The following PCDH15 variants were observed in gnomAD, a reference collection of about 807,000 sequenced individuals.
The protein encoded by PCDH15 is protocadherin-15.
PCDH15 carries 129 observed loss-of-function variants against 178.5 expected under a neutral mutation model. The ratio of observed to expected loss-of-function variants is 0.72; its 90% CI spans 0.63 to 0.84. PCDH15 has a LOEUF of 0.84. Ranked by LOEUF, PCDH15 falls within the 40% of genes least tolerant of loss-of-function variation. The pLI is 0.00. For synonymous variants in PCDH15, 800 were observed against 732.0 expected (o/e 1.09, Z -1.50); for missense variants, 2,230 against 2,099.9 (o/e 1.06, Z -1.21).
chr10:53,918,550 TC>T (rs1250755670), intron 25 of PCDH15, among the ~76,000 whole-genome samples: 1 of 152,200 alleles, frequency 6.6e-6, no homozygotes, highest in East Asian at 1.9e-4. Flanking sequence ...AGTTGCCCCT[TC>T]TATATTTGGA....
chr10:55,327,880 A>G (rs1478722867), intron 2 of PCDH15, among the ~76,000 whole-genome samples: 3 of 152,024 alleles, frequency 2.0e-5, no homozygotes, highest in African/African-American at 7.2e-5. Flanking sequence ...GTATGGCAAG[A>G]TAGTAATCAC....
In PCDH15 at chr10:53,831,489, G is replaced by T; in HGVS notation, c.4028C>A (p.Pro1343Gln). Residue 1343 changes from proline to glutamine, a missense_variant, in exon 30 of 38, where the codon CCG (proline) becomes CAG (glutamine). Coordinates refer to ENST00000644397, the MANE Select transcript of PCDH15 (RefSeq NM_001384140.1). The part of the protein sequence containing the change: ...KLLDINKDFQ[P>Q]YYGEGGRILE... ...AATGCGTCCTCCTTCCCCATAATAC[G>T]GCTGAAAGTCTTTATTGATATCAAG... 1 of 1,613,930 alleles carries T rather than the reference G, an allele frequency of 6.2e-7. No homozygotes were observed. The highest frequency in any genetic ancestry group is 8.5e-7 in the Non-Finnish European group (1 of 1,179,970).
chr10:55,113,372 T>C (rs555954465), intron 2 of PCDH15, among the ~76,000 whole-genome samples: 1 of 152,194 alleles, frequency 6.6e-6, no homozygotes, highest in South Asian at 2.1e-4. Context: ...GTGATGTATG[T>C]TAATTTTTAA....
intron 2 of PCDH15, among the ~76,000 whole-genome samples, chr10:55,067,609 C>T (rs12785028): frequency 0.077 from 11,512 of 148,600 alleles, 628 homozygotes; most frequent in African/African-American, 0.14. Context: ...TACCCAGTAG[C>T]GGAATTGCTG....
rs371490699 is a variant in PCDH15 at position 55,173,380 on chromosome 10, T to G, written c.-155-6729A>C. On this transcript the variant is annotated intron_variant, in intron 1 of 5. Transcript: ENST00000458638. ...GTAGAAGGATGGGGGTTAGGAAGAC[T>G]GTGCTTATAAACATCTTCTTTAAGA... Among the ~76,000 whole-genome samples, 32 of 150,058 alleles carry G rather than the reference T, an allele frequency of 2.1e-4. No homozygotes were observed. In the East Asian group the frequency reaches 2.6e-3, roughly 12 times the overall value.
At chr10:53,876,155 A>G (rs2080212809) in intron 26 of PCDH15, among the ~76,000 whole-genome samples, 1 of 151,926 alleles carries the variant, frequency 6.6e-6, no homozygotes, top group East Asian at 1.9e-4. Context: ...TTGGCAGGTT[A>G]GAACCACTTT....
At chr10:53,861,937 A>C (rs2079131728) in intron 27 of PCDH15, among the ~76,000 whole-genome samples, 1 of 152,152 alleles carries the variant, frequency 6.6e-6, no homozygotes, top group South Asian at 2.1e-4. Context: ...GTGTTTTAAT[A>C]GTCCATTTAG....
At chr10:54,835,884 T>C (rs1953307989) in intron 3 of PCDH15, among the ~76,000 whole-genome samples, 1 of 152,120 alleles carries the variant, frequency 6.6e-6, no homozygotes, top group African/African-American at 2.4e-5. Flanking sequence ...GATACGGTAT[T>C]TTTTTAAAAC....
At chr10:54,081,755 A>G (rs569686164) in intron 16 of PCDH15, among the ~76,000 whole-genome samples, 1 of 151,814 alleles carries the variant, frequency 6.6e-6, no homozygotes, top group Admixed American at 6.6e-5. Context: ...AAAATACATA[A>G]GCTTCTTCAA....
At chr10:54,740,489 A>G (rs1374140143) in intron 1 of PCDH15, among the ~76,000 whole-genome samples, 1 of 151,976 alleles carries the variant, frequency 6.6e-6, no homozygotes, top group African/African-American at 2.4e-5. Flanking sequence ...AACTGAAAAT[A>G]GAATTAGCAT....
rs115106186 is a variant in PCDH15, at chr10:55,142,409, T to A, written c.-80+24167A>T. Among the ~76,000 whole-genome samples, 530 of 151,776 alleles carry A rather than the reference T, an allele frequency of 3.5e-3. 3 individuals carry two copies. The highest frequency in any genetic ancestry group is 0.012 in the African/African-American group (515 of 41,420). On this transcript the variant is annotated intron_variant, in intron 2 of 5. Transcript: ENST00000458638. The stretch of plus-strand genomic sequence containing the variant: ...TTCCTACCAAAATTGTTAATATGGA[T>A]GTAGATTCAGATATAGCTATAAATG...
intron 2 of PCDH15, among the ~76,000 whole-genome samples, chr10:54,977,277 C>A (rs1190381086): frequency 2.0e-5 from 3 of 152,070 alleles, no homozygotes; most frequent in African/African-American, 7.2e-5. Context: ...GTCAGTAGGA[C>A]TGGTTTCATA....
intron 2 of PCDH15, among the ~76,000 whole-genome samples, chr10:54,539,196 A>G (rs1245736049): frequency 6.6e-6 from 1 of 152,180 alleles, no homozygotes; most frequent in East Asian, 1.9e-4. Flanking sequence ...GATGGGTTGG[A>G]TAAAGTAACA....
At chr10:54,636,515 G>A (rs990798983) in intron 2 of PCDH15, among the ~76,000 whole-genome samples, 8 of 151,892 alleles carry the variant, frequency 5.3e-5, no homozygotes, top group African/African-American at 1.9e-4. Context: ...ATTTATAAAT[G>A]TCATGAATGA....
rs181429090 is a variant in PCDH15 at position 54,436,150 on chromosome 10, G to A, written c.158-57208C>T. ...AAGAAAGAAAAAGAAAGAAAGAAAG[G>A]AAGGAAGAAAGGAAGGAAGGAAGAA... On this transcript the variant is annotated intron_variant, in intron 3 of 37. Transcript: ENST00000644397. Among the ~76,000 whole-genome samples, 241 of 148,864 alleles carry A rather than the reference G, an allele frequency of 1.6e-3. 1 individual carries two copies. Among genetic ancestry groups the A allele is most frequent in the Non-Finnish European group, 2.7e-3 (178 of 66,444 alleles).
Position 54,664,229 on chromosome 10 carries a change from C to A in PCDH15, c.34G>T (p.Ala12Ser), listed in dbSNP as rs1218529462. 6.2e-7 allele frequency: 1 copy of A among 1,612,134 alleles called. No individual in the cohort carries two copies. The highest frequency in any genetic ancestry group is 8.5e-7 in the Non-Finnish European group (1 of 1,178,802). The change falls in exon 2 of 38, where the codon GCT becomes TCT. Residue 12 changes from alanine to serine, a missense_variant. Physicochemically the swap from Ala to Ser is moderately conservative, Grantham distance 99. Transcript: ENST00000644397. ...FRQFYLWTCL[A>S]SGIILGSLFE... ...AGAGAGCCCAGGATGATCCCTGAAGCTAAACATGTCCAGAGATAAAACTGT... is the reference window on the plus strand; with the variant it reads ...AGAGAGCCCAGGATGATCCCTGAAGATAAACATGTCCAGAGATAAAACTGT...
chr10:53,926,872 T>C (rs2084602243), intron 25 of PCDH15, among the ~76,000 whole-genome samples: 1 of 152,252 alleles, frequency 6.6e-6, no homozygotes, highest in South Asian at 2.1e-4. Flanking sequence ...TGTTATAGCT[T>C]CTCCACCAGG....
intron 13 of PCDH15, among the ~76,000 whole-genome samples, chr10:54,173,625 C>A (rs959346445): frequency 1.3e-5 from 2 of 151,984 alleles, no homozygotes; most frequent in Non-Finnish European, 2.9e-5. Context: ...TCTATTAGTT[C>A]TTTTTATCCA....
chr10:54,020,600 G>A (rs575167668), intron 19 of PCDH15, among the ~76,000 whole-genome samples, 184 bp from the exon 20 acceptor site: 2 of 151,582 alleles, frequency 1.3e-5, no homozygotes, highest in Non-Finnish European at 2.9e-5. Context: ...AGAGAAGGAG[G>A]GATGGGGGAG....
Sources: allele counts gnomAD v4.1 joint callset (sites outside exome capture counted in the v4.1 genomes callset), GRCh38; gene constraint gnomAD v4.1.1; transcripts MANE v1.5; gene names NCBI Gene and HGNC (gene_info 2026-07-23, HGNC 2026-07-21).